Variants in B3GALT5 observed in about 807,000 individuals in gnomAD.
B3GALT5 encodes beta-1,3-galactosyltransferase 5.
For missense variants in B3GALT5, 328 were observed against 396.6 expected (o/e 0.83, Z 1.47); for synonymous variants, 156 against 158.6 (o/e 0.98, Z 0.12).
At position 39,639,408 on chromosome 21, in the gene B3GALT5, CTTTCTT is replaced by C. The variant is rs1569212418; in HGVS notation, c.-391-6982_-391-6977del. 1.5e-3 allele frequency among the ~76,000 whole-genome samples: 126 copies of C among 82,166 alleles called. 2 individuals carry two copies. The highest frequency in any genetic ancestry group is 4.4e-3 in the African/African-American group (96 of 21,758). The allele number at this position is 82,166 out of a possible 152,430, so 53.9% of individuals were successfully genotyped here. ...CTTCCTTCCTTCTTTCTTTTTCTTT[CTTTCTT>C]TCTTTCTTTCTTTCTTTCTTTCTTT... On this transcript the variant is annotated intron_variant, in intron 1 of 3. Coordinates refer to ENST00000684187, the MANE Select transcript of B3GALT5 (RefSeq NM_001356336.2).
At chr21:39,618,487 T>A (rs911069975) in intron 1 of B3GALT5, among the ~76,000 whole-genome samples, 8 of 152,228 alleles carry the variant, frequency 5.3e-5, no homozygotes, top group Non-Finnish European at 2.9e-5. Flanking sequence ...TTTGTTATTG[T>A]CATGAGTATG....
rs139781726 is a variant in B3GALT5 at position 39,652,634 on chromosome 21, A to G, written c.-161+6012A>G. 2.1e-4 allele frequency among the ~76,000 whole-genome samples: 32 copies of G among 152,328 alleles called. 1 individual carries two copies. The highest frequency in any genetic ancestry group is 4.1e-4 in the South Asian group (2 of 4,828). On this transcript the variant is annotated intron_variant, in intron 2 of 3. Coordinates refer to ENST00000684187, the MANE Select transcript of B3GALT5 (RefSeq NM_001356336.2). The stretch of plus-strand genomic sequence containing the variant: ...ATCTGCTCTGCAGCTTCTTCAGCTG[A>G]TTTATAATGGAAAACAGAGTAGATA...
chr21:39,653,055 A>T (rs192289064), intron 2 of B3GALT5, among the ~76,000 whole-genome samples: 3 of 152,324 alleles, frequency 2.0e-5, no homozygotes, highest in Admixed American at 6.5e-5. Context: ...CACCACCGAG[A>T]TCTAGAATAG....
rs190105234 is a variant in B3GALT5, at chr21:39,617,681, A to G, written c.-392+4614A>G. ...CACAGCTGTAGTTCAAGCTTGTCCA[A>G]CCTGCAGCCCAGGACGGCTTTGAAT... is the stretch of plus-strand genomic sequence containing the variant. On this transcript the variant is annotated intron_variant, in intron 1 of 3. Transcript: ENST00000684187. 2.8e-3 allele frequency among the ~76,000 whole-genome samples: 434 copies of G among 152,306 alleles called. 4 individuals are homozygous for G. Among genetic ancestry groups the G allele is most frequent in the Non-Finnish European group, 9.0e-4 (61 of 68,034 alleles).
At chr21:39,653,957 A>T (rs8132770) in intron 2 of B3GALT5, among the ~76,000 whole-genome samples, 76,975 of 152,108 alleles carry the variant, frequency 0.51, 19,651 homozygotes, top group Middle Eastern at 0.57. Flanking sequence ...CAAGGTACTA[A>T]GTGGTTTTTC....
chr21:39,643,874 G>T (rs1602280021), intron 1 of B3GALT5, among the ~76,000 whole-genome samples: 2 of 152,196 alleles, frequency 1.3e-5, no homozygotes, highest in East Asian at 3.9e-4. Flanking sequence ...GCTCCCCTCT[G>T]TGGCTTATTT....
At chr21:39,649,002 G>T (rs539298659) in intron 2 of B3GALT5, among the ~76,000 whole-genome samples, 1 of 152,330 alleles carries the variant, frequency 6.6e-6, no homozygotes, top group South Asian at 2.1e-4. Context: ...TGATCTTTAA[G>T]CCACCCAGTG....
At chr21:39,623,267 C>T (rs1402991389) in intron 1 of B3GALT5, among the ~76,000 whole-genome samples, 3 of 132,858 alleles carry the variant, frequency 2.3e-5, no homozygotes, top group Non-Finnish European at 4.7e-5. Context: ...TCCTTCCTTC[C>T]TTCCTTCCTT....
chr21:39,618,140 G>A (rs1481239421), intron 1 of B3GALT5, among the ~76,000 whole-genome samples: 1 of 152,114 alleles, frequency 6.6e-6, no homozygotes, highest in Non-Finnish European at 1.5e-5. Flanking sequence ...GGGCAACAGA[G>A]CAAGACCTTG....
At position 39,669,103 on chromosome 21, in the gene B3GALT5, T is replaced by G. The variant is rs1199102818; in HGVS notation, c.*7611T>G. On this transcript the variant is annotated 3_prime_UTR_variant, in exon 4 of 4. Transcript: ENST00000684187. ...GGCTTTGTTTCAGCTCTTGTTCTTT[T>G]TCTTCATTTGAATCTTTCCTGGAAC... is the stretch of plus-strand genomic sequence containing the variant. 1 of 152,272 alleles carries G rather than the reference T, an allele frequency of 6.6e-6. No individual in the cohort carries two copies. Among genetic ancestry groups the G allele is most frequent in the Non-Finnish European group, 1.5e-5 (1 of 68,066 alleles). The allele number at this position is 152,272 out of a possible 1,614,324, so 9.4% of individuals were successfully genotyped here. A position where few individuals can be genotyped will look rare whatever the true frequency, so the allele number is the denominator to read the frequency against.
intron 2 of B3GALT5, among the ~76,000 whole-genome samples, chr21:39,651,565 T>C (rs1333709863): frequency 6.6e-6 from 1 of 152,238 alleles, no homozygotes; most frequent in African/African-American, 2.4e-5. Context: ...TGAAACTTAA[T>C]GTGGAGCCTG....
intron 1 of B3GALT5, among the ~76,000 whole-genome samples, chr21:39,630,094 C>A (rs766162693): frequency 4.6e-5 from 7 of 152,130 alleles, no homozygotes; most frequent in Non-Finnish European, 8.8e-5. Flanking sequence ...AGCGTATTCT[C>A]TAACAACCAA....
chr21:39,656,864 T>C (rs1265448514), intron 2 of B3GALT5, among the ~76,000 whole-genome samples: 1 of 152,230 alleles, frequency 6.6e-6, no homozygotes, highest in Non-Finnish European at 1.5e-5. Flanking sequence ...TACTTACTTG[T>C]TCCACTTTAA....
intron 1 of B3GALT5, among the ~76,000 whole-genome samples, chr21:39,638,758 T>C (rs1394913555): frequency 6.6e-6 from 1 of 152,104 alleles, no homozygotes; most frequent in Non-Finnish European, 1.5e-5. Flanking sequence ...GACACTGCCG[T>C]GGGGTCAGAG....
chr21:39,632,749 C>T (rs988528160), intron 1 of B3GALT5, among the ~76,000 whole-genome samples: 1 of 152,044 alleles, frequency 6.6e-6, no homozygotes, highest in African/African-American at 2.4e-5. Flanking sequence ...GCTTGAAAAT[C>T]CCCTAGGATC....
At chr21:39,649,766 G>A (rs2146207773) in intron 2 of B3GALT5, among the ~76,000 whole-genome samples, 1 of 152,288 alleles carries the variant, frequency 6.6e-6, no homozygotes, top group Admixed American at 6.5e-5. Context: ...TGGGGATCTG[G>A]AGGCAGAGTC....
intron 1 of B3GALT5, among the ~76,000 whole-genome samples, chr21:39,614,925 G>A (rs1035152777): frequency 2.0e-5 from 3 of 152,304 alleles, no homozygotes; most frequent in Non-Finnish European, 4.4e-5. Context: ...GGCTTTATCA[G>A]CCTCTCTCCC....
chr21:39,636,205 T>C (rs2079226402), intron 1 of B3GALT5, among the ~76,000 whole-genome samples: 1 of 152,230 alleles, frequency 6.6e-6, no homozygotes, highest in Non-Finnish European at 1.5e-5. Flanking sequence ...AGAAAATGCA[T>C]GTAAAGAATT....
At chr21:39,655,918 G>A (rs1569219414) in intron 2 of B3GALT5, among the ~76,000 whole-genome samples, 2 of 152,170 alleles carry the variant, frequency 1.3e-5, no homozygotes, top group Admixed American at 6.5e-5. Flanking sequence ...GATATTTTCA[G>A]TCTGTACAAC....
Sources: gnomAD v4.1 joint callset for allele counts (sites outside exome capture counted in the v4.1 genomes callset) on GRCh38, gnomAD v4.1.1 for gene constraint, MANE v1.5 for transcripts, NCBI Gene and HGNC (gene_info 2026-07-23, HGNC 2026-07-21) for gene names.